Variants in GRK3 observed in about 807,000 individuals in gnomAD.
GRK3 encodes G protein-coupled receptor kinase 3, also known as adrenergic, beta, receptor kinase 2.
In GRK3, 54 loss-of-function variants were observed where a neutral mutation model predicts 95.7. The observed-to-expected ratio is 0.56, with a 90% CI of 0.45 to 0.71. The LOEUF is 0.71. Among genes scored for constraint, GRK3 ranks in the 30% least tolerant of loss-of-function variants. The pLI is 0.00. For missense variants in GRK3, 649 were observed against 851.2 expected (o/e 0.76, Z 2.96); for synonymous variants, 281 against 290.8 (o/e 0.97, Z 0.34).
At chr22:25,679,651 C>T (rs536590472) in intron 9 of GRK3, among the ~76,000 whole-genome samples, 4 of 152,262 alleles carry the variant, frequency 2.6e-5, no homozygotes, top group South Asian at 4.1e-4. Context: ...CCAAAAAACC[C>T]GTCCTCTCAG....
At chr22:25,587,865 A>G (rs1932368441) in intron 1 of GRK3, among the ~76,000 whole-genome samples, 1 of 152,120 alleles carries the variant, frequency 6.6e-6, no homozygotes, top group South Asian at 2.1e-4. Flanking sequence ...TTTGCCTTCC[A>G]CCATGATTGT....
chr22:25,636,715 T>C (rs969262709), intron 2 of GRK3, among the ~76,000 whole-genome samples: 1 of 152,220 alleles, frequency 6.6e-6, no homozygotes, highest in Non-Finnish European at 1.5e-5. Flanking sequence ...GTCAATTTCA[T>C]GTTCATAGAC....
chr22:25,688,951 T>G (rs1170813234), intron 11 of GRK3, among the ~76,000 whole-genome samples: 1 of 152,270 alleles, frequency 6.6e-6, no homozygotes, highest in Non-Finnish European at 1.5e-5. Context: ...CCTTCTTGAA[T>G]GAACCCACAG....
intron 3 of GRK3, among the ~76,000 whole-genome samples, chr22:25,659,811 C>T (rs985521858): frequency 1.3e-5 from 2 of 152,294 alleles, no homozygotes; most frequent in African/African-American, 2.4e-5. Flanking sequence ...TTAGAAGGCA[C>T]AAGGCTCTTA....
chr22:25,716,294 T>C (rs2085384301), intron 18 of GRK3, among the ~76,000 whole-genome samples: 1 of 152,156 alleles, frequency 6.6e-6, no homozygotes, highest in Non-Finnish European at 1.5e-5. Context: ...GGCCATAAGC[T>C]CTTCTTTAGA....
intron 1 of GRK3, among the ~76,000 whole-genome samples, chr22:25,585,349 C>A (rs931099169): frequency 1.3e-5 from 2 of 152,220 alleles, no homozygotes; most frequent in African/African-American, 4.8e-5. Context: ...CTGCCCTGCT[C>A]ATTTTTGAGG....
intron 6 of GRK3, among the ~76,000 whole-genome samples, chr22:25,670,833 CGAG>C (rs2084975194): frequency 2.8e-5 from 4 of 140,886 alleles, no homozygotes; most frequent in Admixed American, 2.2e-4. Context: ...GCGGGCGGAT[CGAG>C]ACCATCCTGG....
intron 13 of GRK3, among the ~76,000 whole-genome samples, chr22:25,697,532 A>C (rs1288608284): frequency 6.6e-6 from 1 of 152,154 alleles, no homozygotes; most frequent in East Asian, 1.9e-4. Flanking sequence ...ATAAGTGGAG[A>C]GTGGTGAAAT....
intron 2 of GRK3, among the ~76,000 whole-genome samples, chr22:25,622,713 G>A (rs1448873215): frequency 6.6e-6 from 1 of 152,212 alleles, no homozygotes; most frequent in Non-Finnish European, 1.5e-5. Flanking sequence ...ATGGAAACAG[G>A]AAGAAGAATC....
rs147743016 is a variant in GRK3, at chr22:25,727,979, CTATA to C, written c.*5538_*5541del. 1 of 151,812 alleles carries C rather than the reference CTATA, an allele frequency of 6.6e-6. No individual in the cohort carries two copies. The highest frequency in any genetic ancestry group is 1.5e-5 in the Non-Finnish European group (1 of 67,976). The allele number at this position is 151,812 out of a possible 1,614,324, so 9.4% of individuals were successfully genotyped here. On this transcript the variant is annotated 3_prime_UTR_variant, in exon 21 of 21. Coordinates refer to ENST00000324198, the MANE Select transcript of GRK3 (RefSeq NM_005160.4). ...TCTGGATAGCATAAAGATCACTGAA[CTATA>C]TATATATAAGAAACAAGAGTTCTAT... is the stretch of plus-strand genomic sequence containing the variant.
intron 19 of GRK3, among the ~76,000 whole-genome samples, chr22:25,719,114 G>A (rs914435702): frequency 1.3e-5 from 2 of 151,948 alleles, no homozygotes; most frequent in Non-Finnish European, 2.9e-5. Flanking sequence ...GCTACTCAGG[G>A]GTTCCTGGAA....
At chr22:25,620,759 C>A (rs1002269676) in intron 2 of GRK3, among the ~76,000 whole-genome samples, 6 of 152,122 alleles carry the variant, frequency 3.9e-5, no homozygotes, top group Non-Finnish European at 7.4e-5. Context: ...AATGGCGTGT[C>A]CTTGTGTGGT....
In GRK3 at chr22:25,727,293, G is replaced by A. The variant is rs2085482718; in HGVS notation, c.*4843G>A. The A allele has an allele frequency of 6.6e-6, 1 of 151,540 alleles. No homozygotes were observed. The highest frequency in any genetic ancestry group is 1.5e-5 in the Non-Finnish European group (1 of 67,914). The allele number at this position is 151,540 out of a possible 1,614,324, so 9.4% of individuals were successfully genotyped here. On this transcript the variant is annotated 3_prime_UTR_variant, in exon 21 of 21. Coordinates refer to ENST00000324198, the MANE Select transcript of GRK3 (RefSeq NM_005160.4). ...GTTAATATGATTTTTTTTTAATCCAGGTCACATTTTAACAAAGTTTATTAT... is the reference window on the plus strand; with the variant it reads ...GTTAATATGATTTTTTTTTAATCCAAGTCACATTTTAACAAAGTTTATTAT...
In GRK3 at chr22:25,647,020, C is replaced by CAAA. The variant is rs1025786169; in HGVS notation, c.264+2376_264+2378dup. On this transcript the variant is annotated intron_variant, in intron 3 of 20. Coordinates refer to ENST00000324198, the MANE Select transcript of GRK3 (RefSeq NM_005160.4). ...TGGGTGACCGAGGGAGACTTTGTCT[C>CAAA]AAAAAAAAAAAAAAAAAAAAAAAGA... 2.0e-3 allele frequency among the ~76,000 whole-genome samples: 106 copies of CAAA among 53,874 alleles called. 3 individuals carry two copies. Among genetic ancestry groups the CAAA allele is most frequent in the African/African-American group, 5.7e-3 (88 of 15,496 alleles). 35.3% of individuals were successfully genotyped at this position (53,874 alleles called of 152,430 possible).
chr22:25,630,098 C>G (rs572948719), intron 2 of GRK3, among the ~76,000 whole-genome samples: 1 of 152,272 alleles, frequency 6.6e-6, no homozygotes, highest in South Asian at 2.1e-4. Flanking sequence ...TAGAAAAGTA[C>G]TGAAATCATG....
chr22:25,671,909 CTT>C (rs567175077), intron 6 of GRK3, among the ~76,000 whole-genome samples: 114 of 152,242 alleles, frequency 7.5e-4, no homozygotes, highest in South Asian at 2.7e-3. Context: ...ATTTCAAAGA[CTT>C]AATATAGTAA....
intron 1 of GRK3, among the ~76,000 whole-genome samples, chr22:25,574,099 G>A (rs16980494): frequency 6.6e-6 from 1 of 152,078 alleles, no homozygotes; most frequent in Non-Finnish European, 1.5e-5. Context: ...TCGGTCCATT[G>A]ATCTTTATTA....
At chr22:25,652,588 TGTAA>T (rs1268473839) in intron 3 of GRK3, among the ~76,000 whole-genome samples, 1 of 152,178 alleles carries the variant, frequency 6.6e-6, no homozygotes, top group African/African-American at 2.4e-5. Context: ...TGGGGGTTAG[TGTAA>T]GTAATAATTT....
intron 1 of GRK3, among the ~76,000 whole-genome samples, chr22:25,594,041 C>T (rs1438684316): frequency 6.6e-6 from 1 of 152,096 alleles, no homozygotes; most frequent in Non-Finnish European, 1.5e-5. Flanking sequence ...TAATATGATC[C>T]TCTAGCTTTG....
Sources: allele counts gnomAD v4.1 joint callset (sites outside exome capture counted in the v4.1 genomes callset), GRCh38; gene constraint gnomAD v4.1.1; transcripts MANE v1.5; gene names NCBI Gene and HGNC (gene_info 2026-07-23, HGNC 2026-07-21).